FAT1: variants seen among roughly 807,000 people sequenced by gnomAD.
FAT1 encodes the protein protocadherin Fat 1.
A neutral mutation model predicts 329.8 loss-of-function variants in FAT1; 171 were observed. The ratio of observed to expected loss-of-function variants is 0.52; its 90% CI spans 0.46 to 0.59. FAT1 has a LOEUF of 0.59. Among genes scored for constraint, FAT1 ranks in the 20% least tolerant of loss-of-function variants. FAT1 has a pLI of 0.00. For synonymous variants in FAT1, 2,233 were observed against 2,228.6 expected (o/e 1.00, Z -0.06); for missense variants, 5,672 against 5,774.4 (o/e 0.98, Z 0.57).
chr4:186,702,044 C>T (rs1421590247), intron 2 of FAT1, among the ~76,000 whole-genome samples: 1 of 151,634 alleles, frequency 6.6e-6, no homozygotes. Context: ...GACCCCCACA[C>T]AGGTGACACA....
Position 186,618,113 on chromosome 4 carries a change from C to A in FAT1, c.8473G>T (p.Gly2825Ter), listed in dbSNP as rs202043464. The A allele has an allele frequency of 6.2e-7, 1 of 1,614,024 alleles. No individual in the cohort carries two copies. Among genetic ancestry groups the A allele is most frequent in the Non-Finnish European group, 8.5e-7 (1 of 1,179,886 alleles). Residue 2825 changes from glycine (G) to a stop codon, truncating the protein, a stop_gained, in exon 10 of 27, where the codon GGA (glycine) becomes TGA (stop). Transcript: ENST00000441802. LOFTEE classifies it high-confidence loss of function. ...EAFIVENLPG[G>*]SRVIQIRASD... ...GCCCTGATCTGAATTACTCTACTTC[C>A]CCCTGGCAGGTTTTCAACAATGAAT...
intron 2 of FAT1, among the ~76,000 whole-genome samples, chr4:186,701,032 C>T (rs1377251270): frequency 1.3e-5 from 2 of 152,186 alleles, no homozygotes; most frequent in African/African-American, 2.4e-5. Context: ...CAACGTGGGA[C>T]GGCCCTGAGT....
At chr4:186,675,835 T>C (rs1158712568) in intron 2 of FAT1, among the ~76,000 whole-genome samples, 1 of 151,022 alleles carries the variant, frequency 6.6e-6, no homozygotes, top group Non-Finnish European at 1.5e-5. Flanking sequence ...AATTAATTTT[T>C]AAAAGCTGTA....
At chr4:186,651,890 G>A (rs2126596281) in intron 3 of FAT1, among the ~76,000 whole-genome samples, 1 of 152,314 alleles carries the variant, frequency 6.6e-6, no homozygotes, top group African/African-American at 2.4e-5. Flanking sequence ...GGCAGCTGTG[G>A]CCGTCTCAGC....
intron 1 of FAT1, among the ~76,000 whole-genome samples, chr4:186,715,093 AG>A (rs1388274791): frequency 6.6e-6 from 1 of 151,220 alleles, no homozygotes; most frequent in Non-Finnish European, 1.5e-5. Context: ...CAAAAAAAAA[AG>A]TACTTGCTGA....
At chr4:186,650,216 G>A (rs1285130306) in intron 3 of FAT1, among the ~76,000 whole-genome samples, 1 of 152,066 alleles carries the variant, frequency 6.6e-6, no homozygotes, top group Non-Finnish European at 1.5e-5. Context: ...TAACATCTCT[G>A]GCTGAGAACC....
intron 2 of FAT1, among the ~76,000 whole-genome samples, chr4:186,686,382 A>G (rs1260306583): frequency 2.6e-5 from 4 of 152,150 alleles, no homozygotes; most frequent in African/African-American, 9.7e-5. Context: ...ACACTAAGCT[A>G]ATGAAGAATA....
chr4:186,633,658 A>G (rs372378604), intron 7 of FAT1, 26 bp downstream of exon 7: 11 of 1,613,436 alleles, frequency 6.8e-6, no homozygotes, highest in Non-Finnish European at 9.3e-6. Context: ...CTCCTCTGAC[A>G]AGTGTGTCAT....
intron 3 of FAT1, among the ~76,000 whole-genome samples, chr4:186,640,730 G>T (rs982088595): frequency 4.6e-5 from 7 of 152,106 alleles, no homozygotes; most frequent in Non-Finnish European, 8.8e-5. Context: ...TTTAATAACT[G>T]CTCAACTGTC....
Position 186,706,673 on chromosome 4 carries a change from A to G in FAT1, c.3155T>C (p.Leu1052Ser). Reference protein sequence around the residue: ...TVKEDAPVGSLVMTVSAHDED... With the variant: ...TVKEDAPVGSSVMTVSAHDED... The stretch of plus-strand genomic sequence containing the variant: ...ATCATGAGCCGACACCGTCATTACC[A>G]ATGAACCAACAGGTGCATCTTCTTT... Residue 1052 changes from leucine (L) to serine (S), a missense_variant, in exon 2 of 27, where the codon TTG (leucine) becomes TCG (serine). Transcript: ENST00000441802. The G allele has an allele frequency of 6.2e-7, 1 of 1,613,966 alleles. No individual in the cohort carries two copies. The highest frequency in any genetic ancestry group is 1.7e-5 in the Admixed American group (1 of 60,018).
chr4:186,669,942 C>T (rs952897442), intron 2 of FAT1, among the ~76,000 whole-genome samples: 1 of 151,894 alleles, frequency 6.6e-6, no homozygotes, highest in Admixed American at 6.5e-5. Flanking sequence ...AGGAATAGTC[C>T]TTGATCAGGA....
Position 186,707,564 on chromosome 4 carries a change from G to A in FAT1, c.2264C>T (p.Ala755Val), listed in dbSNP as rs1744695033. The A allele has an allele frequency of 1.9e-6, 3 of 1,613,902 alleles. No individual in the cohort carries two copies. Among genetic ancestry groups the A allele is most frequent in the Non-Finnish European group, 2.5e-6 (3 of 1,179,910 alleles). Residue 755 changes from alanine (A) to valine (V), a missense_variant, in exon 2 of 27, where the codon GCT becomes GTT. Ala to Val is a moderately conservative substitution (Grantham distance 64, BLOSUM62 0). Transcript: ENST00000441802. ...ACTATCCTCATTTCCTCCAGAAACA[G>A]CATAGACCAGTTTTCCATTGAAGCC... ...DTGFNGKLVY[A>V]VSGGNEDSCF...
chr4:186,639,851 TCA>T, intron 3 of FAT1, 68 bp from the exon 4 acceptor site: 1 of 1,342,986 alleles, frequency 7.4e-7, no homozygotes, highest in Non-Finnish European at 1.1e-6. Flanking sequence ...GCAATTAAAA[TCA>T]CACTCTTGGC....
At chr4:186,649,443 C>T (rs1401982686) in intron 3 of FAT1, among the ~76,000 whole-genome samples, 3 of 152,154 alleles carry the variant, frequency 2.0e-5, no homozygotes, top group Non-Finnish European at 4.4e-5. Context: ...TGTGGATAAG[C>T]ATCCCTGAAG....
At position 186,603,651 on chromosome 4, in the gene FAT1, G is replaced by A. The variant is rs766680168; in HGVS notation, c.10875C>T (p.Ala3625=). 9 of 1,613,790 alleles carry A rather than the reference G, an allele frequency of 5.6e-6. No individual in the cohort carries two copies. In the East Asian group the frequency reaches 1.6e-4, roughly 28 times the overall value. ...CTTGTCTGATATGCACTGTGATGTC[G>A]GCCACCGTCGTGAACTTCCCATCTG... ...SVTDGKFTTV[A]DITVHIRQVT... Residue 3625 remains alanine, a synonymous_variant, in exon 19 of 27, where the codon GCC becomes GCT. Coordinates refer to ENST00000441802, the MANE Select transcript of FAT1 (RefSeq NM_005245.4).
intron 3 of FAT1, among the ~76,000 whole-genome samples, chr4:186,660,712 G>A (rs1314863631): frequency 7.9e-5 from 12 of 152,194 alleles, no homozygotes; most frequent in Admixed American, 7.9e-4. Context: ...TTTCTTTAGA[G>A]TTGTCAGAAT....
At chr4:186,664,689 T>A (rs1192654941) in intron 2 of FAT1, among the ~76,000 whole-genome samples, 1 of 152,236 alleles carries the variant, frequency 6.6e-6, no homozygotes, top group Non-Finnish European at 1.5e-5. Context: ...CCCACCTTTT[T>A]ATTCAATGGT....
At chr4:186,592,598 CTG>C (rs1025577727) in intron 26 of FAT1, 1 of 436,420 alleles carries the variant, frequency 2.3e-6, no homozygotes, top group African/African-American at 2.0e-5. Flanking sequence ...AAACCACAAA[CTG>C]TTTTTTCCTA....
At chr4:186,712,961 G>C (rs954186379) in intron 1 of FAT1, among the ~76,000 whole-genome samples, 1 of 152,130 alleles carries the variant, frequency 6.6e-6, no homozygotes, top group African/African-American at 2.4e-5. Context: ...CACATCCTGG[G>C]AGAGAACCTA....
Sources: gnomAD v4.1 joint callset for allele counts (sites outside exome capture counted in the v4.1 genomes callset) on GRCh38, gnomAD v4.1.1 for gene constraint, MANE v1.5 for transcripts, NCBI Gene and HGNC (gene_info 2026-07-23, HGNC 2026-07-21) for gene names.